The following CNTN4 variants were observed in gnomAD, a reference collection of about 807,000 sequenced individuals.
CNTN4 encodes the protein contactin 4.
In CNTN4, 77 loss-of-function variants were observed where a neutral mutation model predicts 122.5. The ratio of observed to expected loss-of-function variants is 0.63; its 90% CI spans 0.52 to 0.76. The LOEUF (loss-of-function observed/expected upper bound fraction) is 0.76, where lower values mean the gene tolerates loss of function less well. CNTN4 is among the 30% of genes least tolerant of loss of function. The pLI is 0.00. For missense variants in CNTN4, 1,256 were observed against 1,259.1 expected (o/e 1.00, Z 0.04); for synonymous variants, 512 against 447.0 (o/e 1.15, Z -1.83).
chr3:2,792,060 T>G (rs891803332), intron 6 of CNTN4, among the ~76,000 whole-genome samples: 1 of 152,184 alleles, frequency 6.6e-6, no homozygotes, highest in South Asian at 2.1e-4. Flanking sequence ...ATCCTGCACA[T>G]GTACCCCTGA....
intron 6 of CNTN4, among the ~76,000 whole-genome samples, chr3:2,807,509 G>T (rs527481601): frequency 5.1e-4 from 77 of 150,738 alleles, no homozygotes; most frequent in African/African-American, 1.9e-3. Context: ...ATTTTTAACT[G>T]GTATACAGCT....
intron 6 of CNTN4, among the ~76,000 whole-genome samples, chr3:2,799,193 T>TTTG (rs1002247620): frequency 2.0e-5 from 3 of 152,146 alleles, no homozygotes; most frequent in Non-Finnish European, 4.4e-5. Flanking sequence ...TATATAGGTT[T>TTTG]TTGTTGTTGT....
At chr3:2,131,121 C>A (rs1231428893) in intron 2 of CNTN4, among the ~76,000 whole-genome samples, 1 of 152,146 alleles carries the variant, frequency 6.6e-6, no homozygotes, top group Non-Finnish European at 1.5e-5. Flanking sequence ...TTAATCTTTG[C>A]AACTCTTTGA....
chr3:2,573,286 A>G (rs2079509172), intron 4 of CNTN4, among the ~76,000 whole-genome samples: 2 of 152,076 alleles, frequency 1.3e-5, no homozygotes, highest in Non-Finnish European at 2.9e-5. Flanking sequence ...TCATGTTTCA[A>G]ACTTCTTGCC....
At chr3:2,360,549 C>G (rs2045088495) in intron 3 of CNTN4, among the ~76,000 whole-genome samples, 2 of 152,220 alleles carry the variant, frequency 1.3e-5, no homozygotes, top group East Asian at 1.9e-4. Context: ...CTTCCCGAGA[C>G]TGGGTAATTT....
intron 2 of CNTN4, among the ~76,000 whole-genome samples, chr3:2,242,157 C>A (rs559204345): frequency 6.6e-6 from 1 of 152,076 alleles, no homozygotes; most frequent in Admixed American, 6.6e-5. Flanking sequence ...GAAGAAATCT[C>A]TAATAGAAAT....
intron 14 of CNTN4, among the ~76,000 whole-genome samples, chr3:3,025,387 T>G (rs1260246602): frequency 6.6e-6 from 1 of 152,128 alleles, no homozygotes; most frequent in East Asian, 1.9e-4. Flanking sequence ...GCCAACTAGT[T>G]TCAAAATGGT....
intron 4 of CNTN4, among the ~76,000 whole-genome samples, chr3:2,674,173 C>T (rs545500544): frequency 2.0e-4 from 31 of 152,264 alleles, no homozygotes; most frequent in African/African-American, 5.5e-4. Context: ...AAGTACTTAC[C>T]GCATACAATC....
At chr3:3,031,387 C>A (rs1699149141) in intron 16 of CNTN4, among the ~76,000 whole-genome samples, 2 of 152,142 alleles carry the variant, frequency 1.3e-5, no homozygotes, top group South Asian at 4.1e-4. Context: ...TAAGTAAAGT[C>A]ATCATCAGGT....
chr3:2,687,973 T>G (rs146322857), intron 4 of CNTN4, among the ~76,000 whole-genome samples: 2 of 152,254 alleles, frequency 1.3e-5, no homozygotes, highest in Non-Finnish European at 2.9e-5. Flanking sequence ...TTCCTAAGTC[T>G]TAGAATCTTT....
chr3:2,705,189 A>G (rs1410246739), intron 4 of CNTN4, among the ~76,000 whole-genome samples: 1 of 151,068 alleles, frequency 6.6e-6, no homozygotes, highest in Non-Finnish European at 1.5e-5. Context: ...TAACATGGTG[A>G]AACCCCGTCT....
chr3:2,720,554 A>T (rs888935465), intron 4 of CNTN4, among the ~76,000 whole-genome samples: 6 of 152,144 alleles, frequency 3.9e-5, no homozygotes, highest in African/African-American at 1.4e-4. Flanking sequence ...CCTAGAGGCA[A>T]AAAATTTGTG....
intron 4 of CNTN4, among the ~76,000 whole-genome samples, chr3:2,616,020 C>CCT (rs1559307887): frequency 7.0e-6 from 1 of 143,014 alleles, no homozygotes; most frequent in African/African-American, 2.6e-5. Context: ...CTCAGGCTGC[C>CCT]TTTTTTTTTT....
intron 3 of CNTN4, among the ~76,000 whole-genome samples, chr3:2,526,973 A>G (rs1215638550): frequency 6.6e-6 from 1 of 152,096 alleles, no homozygotes; most frequent in Non-Finnish European, 1.5e-5. Context: ...TTCTTTATGA[A>G]CTCAGACACA....
intron 4 of CNTN4, among the ~76,000 whole-genome samples, chr3:2,591,422 T>C: frequency 2.5e-5 from 1 of 39,934 alleles, no homozygotes; most frequent in Non-Finnish European, 5.4e-5. Flanking sequence ...TGGAGTGCAG[T>C]GGCGGGATCT....
At chr3:2,346,247 A>G (rs927973588) in intron 3 of CNTN4, among the ~76,000 whole-genome samples, 2 of 152,084 alleles carry the variant, frequency 1.3e-5, no homozygotes, top group Admixed American at 1.3e-4. Flanking sequence ...GCTCTGCCAA[A>G]TTTTAACCTT....
At chr3:3,044,540 G>C (rs1301156613) in intron 23 of CNTN4, among the ~76,000 whole-genome samples, 1 of 152,200 alleles carries the variant, frequency 6.6e-6, no homozygotes, top group African/African-American at 2.4e-5. Context: ...GGTGACCTCA[G>C]AGTAGTCGGA....
intron 14 of CNTN4, among the ~76,000 whole-genome samples, chr3:3,001,469 C>T (rs1413935279): frequency 1.3e-5 from 2 of 152,182 alleles, no homozygotes; most frequent in East Asian, 3.9e-4. Flanking sequence ...CCAAGGGTTA[C>T]AAACTGGTAG....
At chr3:2,762,980 C>A (rs1212205373) in intron 6 of CNTN4, among the ~76,000 whole-genome samples, 1 of 141,358 alleles carries the variant, frequency 7.1e-6, no homozygotes, top group Non-Finnish European at 1.5e-5. Flanking sequence ...CTCGCTGTGT[C>A]GCGCAGGCTG....
Sources: gnomAD v4.1 joint callset for allele counts (sites outside exome capture counted in the v4.1 genomes callset) on GRCh38, gnomAD v4.1.1 for gene constraint, MANE v1.5 for transcripts, NCBI Gene and HGNC (gene_info 2026-07-23, HGNC 2026-07-21) for gene names.